SMAGP: variants seen among roughly 807,000 people sequenced by gnomAD.
The protein encoded by SMAGP is small cell adhesion glycoprotein, also known as small cell transmembrane and glycosylated protein.
A neutral mutation model predicts 10.1 loss-of-function variants in SMAGP; 7 were observed. That is an observed-to-expected ratio of 0.70 (90% CI 0.40 to 1.31). The LOEUF is 1.31. Ranked by LOEUF, SMAGP falls within the 50% of genes most tolerant of loss-of-function variation. SMAGP has a pLI of 0.01. For synonymous variants in SMAGP, 49 were observed against 47.2 expected (o/e 1.04, Z -0.16); for missense variants, 113 against 116.5 (o/e 0.97, Z 0.14).
At chr12:51,269,340 G>C (rs1945005613) in intron 1 of SMAGP, 24 bp from the exon 2 acceptor site, 1 of 1,595,768 alleles carries the variant, frequency 6.3e-7, no homozygotes, top group East Asian at 2.2e-5. Flanking sequence ...GGCAAAGACA[G>C]GAATGTAGCG....
At chr12:51,265,698 G>A (rs1944967150) in intron 2 of SMAGP, among the ~76,000 whole-genome samples, 1 of 152,130 alleles carries the variant, frequency 6.6e-6, no homozygotes, top group Non-Finnish European at 1.5e-5. Flanking sequence ...GTGTTTGCAG[G>A]GAAATGGGGA....
chr12:51,256,549 C>T (rs1944885800), intron 2 of SMAGP, among the ~76,000 whole-genome samples: 1 of 152,060 alleles, frequency 6.6e-6, no homozygotes, highest in African/African-American at 2.4e-5. Context: ...TGGAGAAACC[C>T]CATCTCTACT....
chr12:51,255,942 T>G (rs1944881118), intron 2 of SMAGP, among the ~76,000 whole-genome samples: 1 of 152,130 alleles, frequency 6.6e-6, no homozygotes, highest in Non-Finnish European at 1.5e-5. Flanking sequence ...TGGCTAATTT[T>G]GTATTTTTAG....
intron 2 of SMAGP, among the ~76,000 whole-genome samples, chr12:51,252,002 C>T (rs1265000627): frequency 6.6e-6 from 1 of 152,134 alleles, no homozygotes; most frequent in African/African-American, 2.4e-5. Flanking sequence ...TTATATGAAG[C>T]CATCTGGTGA....
At chr12:51,256,750 C>T (rs372251231) in intron 2 of SMAGP, among the ~76,000 whole-genome samples, 1 of 121,126 alleles carries the variant, frequency 8.3e-6, no homozygotes, top group Non-Finnish European at 1.8e-5. Flanking sequence ...ACAAAAAAAA[C>T]ACAAACAAAC....
chr12:51,254,807 G>C (rs939604530), intron 2 of SMAGP, among the ~76,000 whole-genome samples: 2 of 152,060 alleles, frequency 1.3e-5, no homozygotes, highest in African/African-American at 2.4e-5. Context: ...TTCATGGGAG[G>C]GCTGTCCACA....
chr12:51,257,549 T>C (rs1944896714), intron 2 of SMAGP, among the ~76,000 whole-genome samples: 1 of 144,162 alleles, frequency 6.9e-6, no homozygotes, highest in African/African-American at 2.8e-5. Flanking sequence ...GACCTTTGTA[T>C]ACATTTTTTT....
At chr12:51,248,434 A>ACACACACACACTCTCACTCTCTCTCT (rs1188710796) in intron 2 of SMAGP, among the ~76,000 whole-genome samples, 1 of 77,468 alleles carries the variant, frequency 1.3e-5, no homozygotes, top group African/African-American at 5.1e-5. Context: ...ACACACACAC[A>ACACACACACACTCTCACTCTCTCTCT]CTCTCTCTCT....
chr12:51,250,547 C>T (rs1303670680), intron 2 of SMAGP, among the ~76,000 whole-genome samples: 2 of 148,746 alleles, frequency 1.3e-5, no homozygotes, highest in Non-Finnish European at 3.0e-5. Context: ...ACAAGGATCT[C>T]ACTATGTTGC....
intron 2 of SMAGP, among the ~76,000 whole-genome samples, chr12:51,256,963 G>A (rs189371706): frequency 2.6e-5 from 4 of 152,132 alleles, no homozygotes; most frequent in Non-Finnish European, 5.9e-5. Context: ...GATCATAAAC[G>A]ACCTTTACAA....
chr12:51,265,341 C>T (rs1565660864), intron 2 of SMAGP, among the ~76,000 whole-genome samples: 1 of 152,174 alleles, frequency 6.6e-6, no homozygotes, highest in Admixed American at 6.6e-5. Context: ...AGAATTACCA[C>T]ATGATATAGC....
At chr12:51,260,362 T>G (rs1003453416) in intron 2 of SMAGP, among the ~76,000 whole-genome samples, 8 of 149,950 alleles carry the variant, frequency 5.3e-5, no homozygotes, top group African/African-American at 1.5e-4. Flanking sequence ...CGGCTGATTG[T>G]TTTTTTTGTT....
In SMAGP at chr12:51,244,774, G is replaced by C. The variant is rs1451976775; in HGVS notation, c.*1167C>G. 6.6e-6 allele frequency: 1 copy of C among 151,744 alleles called. No individual in the cohort carries two copies. 9.4% of individuals were successfully genotyped at this position (151,744 alleles called of 1,614,324 possible). On this transcript the variant is annotated 3_prime_UTR_variant, in exon 4 of 4. Transcript: ENST00000603798. ...TGTAGAAGGGATTCTGGGAAATTCT[G>C]GCCCTTGCCAGGATGGAGGCTTGAA...
intron 2 of SMAGP, among the ~76,000 whole-genome samples, chr12:51,268,978 T>C (rs1311236340): frequency 1.3e-5 from 2 of 152,140 alleles, no homozygotes; most frequent in Non-Finnish European, 2.9e-5. Context: ...TGTCTCAGTC[T>C]CCCAAAGTCC....
At position 51,269,316 on chromosome 12, in the gene SMAGP, T is replaced by A; in HGVS notation, c.-38A>T. The A allele has an allele frequency of 1.2e-6, 2 of 1,613,268 alleles. No individual in the cohort carries two copies. The highest frequency in any genetic ancestry group is 2.2e-5 in the South Asian group (2 of 91,070). ...TTGAGTTTCTTGGAGAAGAGGCAGA[T>A]CTGTAGGAAGAGGGGCAAAGACAGG... On this transcript the variant is annotated splice_region_variant and 5_prime_UTR_variant, in exon 2 of 4. Coordinates refer to ENST00000603798, the MANE Select transcript of SMAGP (RefSeq NM_001031628.2).
chr12:51,246,486 T>C lies in SMAGP; in HGVS notation c.115+265A>G, dbSNP rs146970796. ...TCACCCACTCAACCAACCACATATA[T>C]CCTCGTCCCTACCCACGTACTCAAG... On this transcript the variant is annotated intron_variant, in intron 3 of 3. Coordinates refer to ENST00000603798, the MANE Select transcript of SMAGP (RefSeq NM_001031628.2). The C allele has an allele frequency of 3.4e-3, 1,506 of 442,080 alleles. 2 individuals are homozygous for C. The highest frequency in any genetic ancestry group is 0.011 in the Middle Eastern group (19 of 1,676). The allele number at this position is 442,080 out of a possible 1,614,324, so 27.4% of individuals were successfully genotyped here. A position where few individuals can be genotyped will look rare whatever the true frequency, so the allele number is the denominator to read the frequency against.
intron 2 of SMAGP, among the ~76,000 whole-genome samples, chr12:51,265,999 G>A (rs930604725): frequency 4.1e-4 from 63 of 151,840 alleles, no homozygotes; most frequent in African/African-American, 1.5e-3. Flanking sequence ...GGAGAATGGC[G>A]TGAACCCATG....
intron 2 of SMAGP, among the ~76,000 whole-genome samples, chr12:51,254,853 C>T (rs1944872110): frequency 6.6e-6 from 1 of 152,066 alleles, no homozygotes; most frequent in African/African-American, 2.4e-5. Flanking sequence ...GCATGCTTGG[C>T]CTGTTAAATG....
Position 51,245,901 on chromosome 12 carries a change from C to A in SMAGP, c.*40G>T. 1 of 1,586,272 alleles carries A rather than the reference C, an allele frequency of 6.3e-7. No individual in the cohort carries two copies. Among genetic ancestry groups the A allele is most frequent in the South Asian group, 1.1e-5 (1 of 89,016 alleles). ...CCATAATAAGCAGTCAACGTGTTAG[C>A]GATGGAGCCAGGAATAAGCTCCTTG... On this transcript the variant is annotated 3_prime_UTR_variant, in exon 4 of 4. Transcript: ENST00000603798.
Sources: allele counts gnomAD v4.1 joint callset (sites outside exome capture counted in the v4.1 genomes callset), GRCh38; gene constraint gnomAD v4.1.1; transcripts MANE v1.5; gene names NCBI Gene and HGNC (gene_info 2026-07-23, HGNC 2026-07-21).